Variants in CSMD3 observed in about 807,000 individuals in gnomAD.
The protein encoded by CSMD3 is CUB and Sushi multiple domains 3.
In CSMD3, 177 loss-of-function variants were observed where a neutral mutation model predicts 435.2. The observed-to-expected ratio is 0.41, with a 90% CI of 0.36 to 0.46. The LOEUF (loss-of-function observed/expected upper bound fraction) is 0.46, where lower values mean the gene tolerates loss of function less well. Among genes scored for constraint, CSMD3 ranks in the 20% least tolerant of loss-of-function variants. CSMD3 has a pLI of 0.34. For synonymous variants in CSMD3, 1,656 were observed against 1,520.5 expected (o/e 1.09, Z -2.07); for missense variants, 4,265 against 4,504.6 (o/e 0.95, Z 1.52).
intron 3 of CSMD3, among the ~76,000 whole-genome samples, chr8:113,225,122 T>C (rs1183631705): frequency 6.6e-6 from 1 of 151,444 alleles, no homozygotes; most frequent in Non-Finnish European, 1.5e-5. Flanking sequence ...AAGGTGTTTA[T>C]ATTAATTGCA....
intron 1 of CSMD3, among the ~76,000 whole-genome samples, chr8:113,365,511 C>T (rs186232018): frequency 3.3e-3 from 504 of 152,122 alleles, no homozygotes; most frequent in Admixed American, 4.6e-3. Context: ...AAACTCAGAA[C>T]TTAAACTAAT....
chr8:112,777,967 T>G (rs2078286761), intron 13 of CSMD3, among the ~76,000 whole-genome samples: 1 of 151,914 alleles, frequency 6.6e-6, no homozygotes, highest in African/African-American at 2.4e-5. Flanking sequence ...AGCTTTCCAA[T>G]GCTTCTACTA....
chr8:113,170,574 ACCTT>A (rs1160009365), intron 4 of CSMD3, among the ~76,000 whole-genome samples: 1 of 152,104 alleles, frequency 6.6e-6, no homozygotes, highest in Non-Finnish European at 1.5e-5. Flanking sequence ...CGATATTAAT[ACCTT>A]CCTTATCAAG....
chr8:112,289,278 T>C, intron 57 of CSMD3, 87 bp downstream of exon 57: 1 of 1,081,404 alleles, frequency 9.2e-7, no homozygotes, highest in Middle Eastern at 2.6e-4. Flanking sequence ...TTTTAAGTCT[T>C]TAGATTGTTT....
chr8:112,233,677 G>GA (rs1005368950), intron 68 of CSMD3, among the ~76,000 whole-genome samples: 6 of 151,874 alleles, frequency 4.0e-5, no homozygotes, highest in Non-Finnish European at 8.8e-5. Flanking sequence ...TTTTCCTTAT[G>GA]AAAAAAAGGC....
chr8:112,400,597 G>C (rs753489892), intron 35 of CSMD3, among the ~76,000 whole-genome samples: 5 of 152,064 alleles, frequency 3.3e-5, no homozygotes, highest in Non-Finnish European at 7.4e-5. Context: ...CTAAAAGTAG[G>C]AAGTGAGTTC....
intron 5 of CSMD3, among the ~76,000 whole-genome samples, chr8:113,078,324 T>C (rs992754587): frequency 4.6e-5 from 7 of 152,180 alleles, no homozygotes; most frequent in African/African-American, 1.7e-4. Context: ...TAAGACAAAT[T>C]AGAGATCAAA....
intron 31 of CSMD3, among the ~76,000 whole-genome samples, chr8:112,487,404 T>A (rs1820243523): frequency 6.6e-6 from 1 of 152,028 alleles, no homozygotes; most frequent in Non-Finnish European, 1.5e-5. Context: ...GGGGCAGAAG[T>A]CTGATCAGTG....
chr8:112,976,953 G>A (rs1289354187), intron 6 of CSMD3, among the ~76,000 whole-genome samples: 2 of 151,916 alleles, frequency 1.3e-5, no homozygotes, highest in Admixed American at 6.6e-5. Context: ...GCATTTCAGA[G>A]TGTGTATATG....
chr8:112,478,557 AAAGTT>A (rs893210910), intron 31 of CSMD3, among the ~76,000 whole-genome samples: 53 of 152,284 alleles, frequency 3.5e-4, no homozygotes, highest in African/African-American at 1.1e-3. Flanking sequence ...GTGCAAACTT[AAAGTT>A]AAGAGTGATG....
intron 35 of CSMD3, among the ~76,000 whole-genome samples, chr8:112,399,042 G>C (rs1217397304): frequency 1.3e-5 from 2 of 151,530 alleles, no homozygotes; most frequent in African/African-American, 4.9e-5. Flanking sequence ...TCAGCCTCCT[G>C]AGTAGCTGGA....
intron 27 of CSMD3, among the ~76,000 whole-genome samples, chr8:112,524,065 G>A (rs1824593539): frequency 6.6e-6 from 1 of 151,962 alleles, no homozygotes; most frequent in East Asian, 1.9e-4. Flanking sequence ...CAGGTATTAT[G>A]CTTGATGTTG....
intron 32 of CSMD3, among the ~76,000 whole-genome samples, chr8:112,418,216 T>C (rs992698184): frequency 6.6e-6 from 1 of 152,298 alleles, no homozygotes; most frequent in East Asian, 1.9e-4. Flanking sequence ...GCTCTTATAA[T>C]GTTTGGCTAC....
intron 6 of CSMD3, among the ~76,000 whole-genome samples, chr8:112,988,774 C>T (rs1015108222): frequency 1.3e-5 from 2 of 152,018 alleles, no homozygotes; most frequent in African/African-American, 4.8e-5. Context: ...ACACCAGAGA[C>T]TCAGGCATCC....
chr8:113,010,852 A>G (rs1415674142), intron 6 of CSMD3, among the ~76,000 whole-genome samples: 1 of 151,626 alleles, frequency 6.6e-6, no homozygotes. Flanking sequence ...TACAGTATCA[A>G]TGCTATGAAG....
chr8:112,600,867 C>T (rs1484957536), intron 22 of CSMD3, among the ~76,000 whole-genome samples: 5 of 151,922 alleles, frequency 3.3e-5, no homozygotes, highest in African/African-American at 1.2e-4. Context: ...TTAGTAGAGA[C>T]GGGGTTTCAC....
chr8:112,599,547 C>G (rs1239355588), intron 22 of CSMD3, among the ~76,000 whole-genome samples: 2 of 151,960 alleles, frequency 1.3e-5, no homozygotes, highest in African/African-American at 4.8e-5. Flanking sequence ...ATAAATCATG[C>G]TGCTATAAAG....
chr8:112,926,901 G>C (rs1468725095), intron 9 of CSMD3, among the ~76,000 whole-genome samples: 1 of 152,010 alleles, frequency 6.6e-6, no homozygotes, highest in East Asian at 1.9e-4. Flanking sequence ...ACAATTTCCT[G>C]ACAGATGCAG....
At chr8:112,656,394 G>T in intron 17 of CSMD3, 53 bp from the exon 18 acceptor site, 1 of 1,359,448 alleles carries the variant, frequency 7.4e-7, no homozygotes, top group Non-Finnish European at 1.0e-6. Context: ...ACTATATATG[G>T]AAATAATGCT....
Sources: allele counts gnomAD v4.1 joint callset (sites outside exome capture counted in the v4.1 genomes callset), GRCh38; gene constraint gnomAD v4.1.1; transcripts MANE v1.5; gene names NCBI Gene and HGNC (gene_info 2026-07-23, HGNC 2026-07-21).